GPR39: variants seen among roughly 807,000 people sequenced by gnomAD.
GPR39 encodes G protein-coupled receptor 39.
A neutral mutation model predicts 18.4 loss-of-function variants in GPR39; 23 were observed. That is an observed-to-expected ratio of 1.25 (90% CI 0.90 to 1.77). GPR39 has a LOEUF of 1.77. Ranked by LOEUF, GPR39 falls within the 40% of genes most tolerant of loss-of-function variation. GPR39 has a pLI of 0.00. For missense variants in GPR39, 647 were observed against 602.4 expected (o/e 1.07, Z -0.78); for synonymous variants, 280 against 257.9 (o/e 1.09, Z -0.82).
chr2:132,445,764 A>G (rs1324072360), intron 1 of GPR39, among the ~76,000 whole-genome samples: 3 of 152,240 alleles, frequency 2.0e-5, no homozygotes, highest in African/African-American at 7.2e-5. Context: ...CTATGAGGAA[A>G]TGATGATCTG....
At chr2:132,420,306 A>C (rs1679986841) in intron 1 of GPR39, among the ~76,000 whole-genome samples, 1 of 152,188 alleles carries the variant, frequency 6.6e-6, no homozygotes, top group African/African-American at 2.4e-5. Context: ...AATGAATTTC[A>C]AAGAGCTTTT....
At chr2:132,492,125 T>G (rs1681476756) in intron 1 of GPR39, among the ~76,000 whole-genome samples, 1 of 148,936 alleles carries the variant, frequency 6.7e-6, no homozygotes, top group African/African-American at 2.5e-5. Context: ...ACACACCACA[T>G]ATATATACAT....
At chr2:132,617,182 T>G (rs1261918467) in intron 1 of GPR39, among the ~76,000 whole-genome samples, 1 of 152,208 alleles carries the variant, frequency 6.6e-6, no homozygotes, top group African/African-American at 2.4e-5. Flanking sequence ...TGGATTGGAC[T>G]GATCTTTTCT....
rs1021832404 is a variant in GPR39 at position 132,427,470 on chromosome 2, A to G, written c.856+9572A>G. Among the ~76,000 whole-genome samples, 5 of 150,670 alleles carry G rather than the reference A, an allele frequency of 3.3e-5. No individual in the cohort carries two copies. In the East Asian group the frequency reaches 9.7e-4, roughly 29 times the overall value. ...GCCACTGCGCCTGGCCTGACTTTAC[A>G]TATTCTATTCTATTTGGTTTTATAT... On this transcript the variant is annotated intron_variant, in intron 1 of 1. Coordinates refer to ENST00000329321, the MANE Select transcript of GPR39 (RefSeq NM_001508.3).
At chr2:132,562,553 C>A (rs146120975) in intron 1 of GPR39, among the ~76,000 whole-genome samples, 30 of 152,220 alleles carry the variant, frequency 2.0e-4, no homozygotes, top group African/African-American at 6.7e-4. Flanking sequence ...AGCCTATTCT[C>A]CTTCGTCTTT....
At chr2:132,471,752 A>G (rs891997751) in intron 1 of GPR39, among the ~76,000 whole-genome samples, 1 of 151,910 alleles carries the variant, frequency 6.6e-6, no homozygotes, top group Admixed American at 6.6e-5. Flanking sequence ...TGGGGATGGC[A>G]AAGATTAGTT....
intron 1 of GPR39, among the ~76,000 whole-genome samples, chr2:132,450,869 A>G (rs1311395595): frequency 6.6e-6 from 1 of 152,222 alleles, no homozygotes; most frequent in African/African-American, 2.4e-5. Flanking sequence ...TTTAGAACCA[A>G]TTATGGTCTG....
At chr2:132,598,296 A>G (rs1442372920) in intron 1 of GPR39, among the ~76,000 whole-genome samples, 1 of 152,132 alleles carries the variant, frequency 6.6e-6, no homozygotes, top group African/African-American at 2.4e-5. Flanking sequence ...TTGTTAAACC[A>G]GTTTCAACTG....
At chr2:132,508,021 A>G (rs111868173) in intron 1 of GPR39, among the ~76,000 whole-genome samples, 8 of 152,266 alleles carry the variant, frequency 5.3e-5, no homozygotes, top group African/African-American at 1.7e-4. Context: ...TCTAGCCCCA[A>G]AATCCTTCTC....
intron 1 of GPR39, among the ~76,000 whole-genome samples, chr2:132,589,803 T>G (rs1393396009): frequency 6.6e-6 from 1 of 152,226 alleles, no homozygotes; most frequent in Non-Finnish European, 1.5e-5. Flanking sequence ...AAGGAATGTC[T>G]GTATTTCTCC....
At chr2:132,541,417 G>C (rs867580647) in intron 1 of GPR39, among the ~76,000 whole-genome samples, 1 of 152,144 alleles carries the variant, frequency 6.6e-6, no homozygotes, top group Non-Finnish European at 1.5e-5. Context: ...GCCTGAGCCT[G>C]GGCTGGGATC....
chr2:132,567,397 A>T (rs1323270376), intron 1 of GPR39, among the ~76,000 whole-genome samples: 1 of 152,166 alleles, frequency 6.6e-6, no homozygotes, highest in African/African-American at 2.4e-5. Flanking sequence ...CCACTCATGG[A>T]TGAATGGGTT....
At chr2:132,462,143 G>A (rs759698697) in intron 1 of GPR39, among the ~76,000 whole-genome samples, 2 of 152,120 alleles carry the variant, frequency 1.3e-5, no homozygotes, top group Non-Finnish European at 2.9e-5. Flanking sequence ...ACCCAACACT[G>A]GACAGATGAG....
rs190370681 is a variant in GPR39, at chr2:132,502,400, A to G, written c.856+84502A>G. On this transcript the variant is annotated intron_variant, in intron 1 of 1. Coordinates refer to ENST00000329321, the MANE Select transcript of GPR39 (RefSeq NM_001508.3). ...TTTTGTTTTGGAGGCTAAAAATAGG[A>G]CCCCAATCGCTTCTAGCTTGTGGGG... Among the ~76,000 whole-genome samples the G allele has an allele frequency of 3.2e-3, 483 of 152,118 alleles. 1 individual carries two copies. The highest frequency in any genetic ancestry group is 0.011 in the African/African-American group (443 of 41,494).
chr2:132,518,064 C>G (rs1297055805), intron 1 of GPR39, among the ~76,000 whole-genome samples: 5 of 152,126 alleles, frequency 3.3e-5, no homozygotes, highest in Admixed American at 6.6e-5. Flanking sequence ...CTGTAATTTC[C>G]TGAGTCATAA....
Position 132,645,998 on chromosome 2 carries a change from C to A in GPR39, c.*392C>A. ...ACTCAGGGAGGTGGGGGGTTGGGGGCGAGGGCTGGAAGAACAATGCAGGAG... is the reference window on the plus strand; with the variant it reads ...ACTCAGGGAGGTGGGGGGTTGGGGGAGAGGGCTGGAAGAACAATGCAGGAG... On this transcript the variant is annotated 3_prime_UTR_variant, in exon 2 of 2. Transcript: ENST00000329321. 7.1e-7 allele frequency: 1 copy of A among 1,403,144 alleles called. No individual in the cohort carries two copies. Among genetic ancestry groups the A allele is most frequent in the Non-Finnish European group, 9.6e-7 (1 of 1,044,014 alleles). 86.9% of individuals were successfully genotyped at this position (1,403,144 alleles called of 1,614,324 possible). A position where few individuals can be genotyped will look rare whatever the true frequency, so the allele number is the denominator to read the frequency against.
intron 1 of GPR39, among the ~76,000 whole-genome samples, chr2:132,474,885 A>C (rs570166655): frequency 3.9e-5 from 6 of 152,188 alleles, no homozygotes; most frequent in African/African-American, 1.4e-4. Flanking sequence ...TGATCAGTAC[A>C]TTTCTTATTG....
intron 1 of GPR39, among the ~76,000 whole-genome samples, chr2:132,492,794 ATATATACC>A: frequency 6.6e-4 from 1 of 1,518 alleles, no homozygotes; most frequent in Non-Finnish European, 0.013. Context: ...TATATATACC[ATATATACC>A]ATATATATAC....
intron 1 of GPR39, among the ~76,000 whole-genome samples, chr2:132,456,146 G>A (rs895269606): frequency 5.3e-5 from 8 of 152,106 alleles, no homozygotes; most frequent in African/African-American, 7.2e-5. Context: ...CTTGCTTTAT[G>A]GATCTGGGTG....
Sources: gnomAD v4.1 joint callset for allele counts (sites outside exome capture counted in the v4.1 genomes callset) on GRCh38, gnomAD v4.1.1 for gene constraint, MANE v1.5 for transcripts, NCBI Gene and HGNC (gene_info 2026-07-23, HGNC 2026-07-21) for gene names.